ZDHHC21: variants seen among roughly 807,000 people sequenced by gnomAD.
ZDHHC21 encodes the protein zDHHC palmitoyltransferase 21.
A neutral mutation model predicts 34.6 loss-of-function variants in ZDHHC21; 15 were observed. The observed-to-expected ratio is 0.43, with a 90% CI of 0.29 to 0.67. ZDHHC21 has a LOEUF of 0.67. Among genes scored for constraint, ZDHHC21 ranks in the 30% least tolerant of loss-of-function variants. The pLI is 0.14. For synonymous variants in ZDHHC21, 142 were observed against 101.8 expected (o/e 1.40, Z -2.38); for missense variants, 344 against 327.7 (o/e 1.05, Z -0.38).
intron 7 of ZDHHC21, among the ~76,000 whole-genome samples, chr9:14,655,182 GGAAA>G (rs1831961930): frequency 2.0e-5 from 3 of 151,938 alleles, no homozygotes; most frequent in Non-Finnish European, 4.4e-5. Context: ...CAGAAATGAT[GGAAA>G]CCATAAGACA....
rs189272029 is a variant in ZDHHC21, at chr9:14,688,206, G to A, written c.-176+2131C>T. 9.6e-3 allele frequency among the ~76,000 whole-genome samples: 1,447 copies of A among 150,970 alleles called. 23 individuals are homozygous for A. Among genetic ancestry groups the A allele is most frequent in the Middle Eastern group, 0.048 (14 of 294 alleles). ...AGCTTTAGTTTCTTTTCAAGCTTCA[G>A]TTTGACCATCTGTAAAATGGAGATA... is the stretch of plus-strand genomic sequence containing the variant. On this transcript the variant is annotated intron_variant, in intron 2 of 9. Transcript: ENST00000380916.
intron 8 of ZDHHC21, among the ~76,000 whole-genome samples, chr9:14,625,351 C>G (rs1227578289): frequency 6.6e-6 from 1 of 152,004 alleles, no homozygotes; most frequent in Non-Finnish European, 1.5e-5. Flanking sequence ...TATCAGGGAT[C>G]TGAAGTTCAC....
chr9:14,661,871 A>G (rs1833458989), intron 6 of ZDHHC21, among the ~76,000 whole-genome samples: 1 of 152,240 alleles, frequency 6.6e-6, no homozygotes, highest in Non-Finnish European at 1.5e-5. Context: ...TATTACAATT[A>G]GAAATAGCTA....
chr9:14,592,387 T>C, the ZDHHC21 span, among the ~76,000 whole-genome samples: 4 of 152,052 alleles, frequency 2.6e-5, no homozygotes, highest in South Asian at 2.1e-4. Flanking sequence ...TACTGCTTCA[T>C]GAAGGATTTT....
At chr9:14,626,849 TA>T (rs1487626601) in intron 8 of ZDHHC21, among the ~76,000 whole-genome samples, 2 of 152,070 alleles carry the variant, frequency 1.3e-5, no homozygotes, top group Non-Finnish European at 2.9e-5. Flanking sequence ...TTCTAGGTTT[TA>T]AAAAAGCTAT....
intron 5 of ZDHHC21, among the ~76,000 whole-genome samples, chr9:14,663,552 T>C (rs10124026): frequency 0.25 from 37,508 of 149,882 alleles, 5,156 homozygotes; most frequent in East Asian, 0.36. Context: ...CTTTTTTTTC[T>C]TCTTTTTTAA....
chr9:14,679,426 A>G (rs1284478577), intron 3 of ZDHHC21, among the ~76,000 whole-genome samples: 3 of 152,194 alleles, frequency 2.0e-5, no homozygotes, highest in Non-Finnish European at 2.9e-5. Context: ...AGAATAGTTT[A>G]TATAACATTT....
intron 7 of ZDHHC21, among the ~76,000 whole-genome samples, chr9:14,649,737 A>T (rs902428110): frequency 8.5e-5 from 13 of 152,052 alleles, no homozygotes; most frequent in Non-Finnish European, 1.5e-5. Flanking sequence ...AGCGTATTTC[A>T]CTAGCATCTG....
Position 14,618,275 on chromosome 9 carries a change from A to G in ZDHHC21, c.*691T>C, listed in dbSNP as rs1316766604. 4 of 152,532 alleles carry G rather than the reference A, an allele frequency of 2.6e-5. No homozygotes were observed. The highest frequency in any genetic ancestry group is 1.3e-4 in the Admixed American group (2 of 15,242). The allele number at this position is 152,532 out of a possible 1,614,324, so 9.4% of individuals were successfully genotyped here. ...AACAGTAATAGTGAAAATTGAAAAA[A>G]TTATTGTGAAAAAAATTTTAACATT... On this transcript the variant is annotated 3_prime_UTR_variant, in exon 10 of 10. Transcript: ENST00000380916.
the ZDHHC21 span, among the ~76,000 whole-genome samples, chr9:14,598,072 C>G: frequency 1.3e-5 from 2 of 152,120 alleles, no homozygotes; most frequent in African/African-American, 2.4e-5. Context: ...ACCAAAGGCC[C>G]AAGGGCCCAC....
At chr9:14,680,609 C>T (rs1564391231) in intron 2 of ZDHHC21, among the ~76,000 whole-genome samples, 2 of 138,016 alleles carry the variant, frequency 1.4e-5, no homozygotes, top group African/African-American at 5.2e-5. Context: ...GAGAGTCAAA[C>T]ATAAGTCAGT....
chr9:14,683,535 C>G (rs1042238865), intron 2 of ZDHHC21: 1 of 152,036 alleles, frequency 6.6e-6, no homozygotes, highest in Non-Finnish European at 1.5e-5. Context: ...CAATAACAGG[C>G]TCTGAAATTG....
intron 7 of ZDHHC21, among the ~76,000 whole-genome samples, chr9:14,648,314 C>A (rs973731816): frequency 8.1e-6 from 1 of 123,020 alleles, no homozygotes; most frequent in African/African-American, 3.0e-5. Context: ...TCATAGCAAT[C>A]AGGTTTTTTT....
chr9:14,682,009 C>G (rs1837467787), intron 2 of ZDHHC21, among the ~76,000 whole-genome samples: 1 of 152,098 alleles, frequency 6.6e-6, no homozygotes, highest in Non-Finnish European at 1.5e-5. Flanking sequence ...TGGTCACCAC[C>G]AGGCCTGCCC....
At chr9:14,674,096 A>G in intron 4 of ZDHHC21, 91 bp downstream of exon 4, 1 of 786,268 alleles carries the variant, frequency 1.3e-6, no homozygotes, top group Non-Finnish European at 1.9e-6. Flanking sequence ...TAAATATATT[A>G]AAAGGAAAGT....
chr9:14,606,372 T>C (rs1290102037), downstream of ZDHHC21, among the ~76,000 whole-genome samples: 1 of 152,170 alleles, frequency 6.6e-6, no homozygotes, highest in Non-Finnish European at 1.5e-5. Flanking sequence ...CATCATGCTG[T>C]AAGTAAGCCC....
intron 7 of ZDHHC21, among the ~76,000 whole-genome samples, chr9:14,647,948 A>T (rs1289530511): frequency 1.3e-5 from 2 of 152,112 alleles, no homozygotes; most frequent in Non-Finnish European, 2.9e-5. Context: ...AGATTTTTGT[A>T]TCTAGCTGCT....
the ZDHHC21 span, among the ~76,000 whole-genome samples, chr9:14,590,894 CAAAAG>C: frequency 6.6e-6 from 1 of 151,584 alleles, no homozygotes; most frequent in Non-Finnish European, 1.5e-5. Flanking sequence ...AACTGACTGG[CAAAAG>C]AAAAGTAATA....
intron 2 of ZDHHC21, among the ~76,000 whole-genome samples, chr9:14,682,823 T>C (rs1457146936): frequency 6.6e-6 from 1 of 152,084 alleles, no homozygotes; most frequent in African/African-American, 2.4e-5. Flanking sequence ...AGAACAGAAA[T>C]TACAACAAAC....
Sources: allele counts gnomAD v4.1 joint callset (sites outside exome capture counted in the v4.1 genomes callset), GRCh38; gene constraint gnomAD v4.1.1; transcripts MANE v1.5; gene names NCBI Gene and HGNC (gene_info 2026-07-23, HGNC 2026-07-21).